Variants in RAD51B observed in about 807,000 individuals in gnomAD.
RAD51B encodes the protein RAD51 paralog B.
Under a neutral mutation model 42.2 loss-of-function variants are expected in RAD51B, and 38 were observed. The ratio of observed to expected loss-of-function variants is 0.90; its 90% CI spans 0.70 to 1.18. The LOEUF is 1.18. Among genes scored for constraint, RAD51B ranks in the 50% most tolerant of loss-of-function variants. The pLI, the probability that RAD51B is intolerant of heterozygous loss-of-function variation, is 0.00. For synonymous variants in RAD51B, 154 were observed against 145.2 expected, an observed-to-expected ratio of 1.06 and a Z score of -0.43; for missense variants, 373 against 400.7, an observed-to-expected ratio of 0.93 and a Z score of 0.59.
At chr14:68,140,114 A>C (rs57556822) in intron 7 of RAD51B, among the ~76,000 whole-genome samples, 2,735 of 152,296 alleles carry the variant, frequency 0.018, 90 homozygotes, top group African/African-American at 0.062. Context: ...GCGATTCCAG[A>C]ATATGACAGA....
intron 7 of RAD51B, among the ~76,000 whole-genome samples, chr14:68,123,222 G>C (rs1451761161): frequency 1.7e-5 from 2 of 119,876 alleles, no homozygotes; most frequent in Non-Finnish European, 3.2e-5. Flanking sequence ...AGACAGAGCT[G>C]TCTCCTCCAG....
intron 8 of RAD51B, among the ~76,000 whole-genome samples, chr14:68,357,327 A>G (rs1316474390): frequency 6.6e-6 from 1 of 152,182 alleles, no homozygotes; most frequent in African/African-American, 2.4e-5. Flanking sequence ...CTCCATTTCT[A>G]ATTCTAATTC....
chr14:68,442,084 A>G (rs2085311231), intron 9 of RAD51B, among the ~76,000 whole-genome samples: 1 of 152,204 alleles, frequency 6.6e-6, no homozygotes, highest in Non-Finnish European at 1.5e-5. Context: ...CTGCATTTCT[A>G]CATTGCTGGG....
intron 7 of RAD51B, among the ~76,000 whole-genome samples, chr14:67,893,034 G>C (rs1400020092): frequency 6.6e-6 from 1 of 152,138 alleles, no homozygotes; most frequent in Non-Finnish European, 1.5e-5. Flanking sequence ...AGTCCTGTGA[G>C]TCCTTCTAGT....
intron 7 of RAD51B, among the ~76,000 whole-genome samples, chr14:67,924,578 C>G (rs948460497): frequency 6.6e-6 from 1 of 152,144 alleles, no homozygotes; most frequent in Non-Finnish European, 1.5e-5. Flanking sequence ...TGGCAGCAGG[C>G]AAAGACTTTG....
chr14:68,307,093 G>A (rs912393315), intron 8 of RAD51B, among the ~76,000 whole-genome samples: 1 of 151,840 alleles, frequency 6.6e-6, no homozygotes, highest in African/African-American at 2.4e-5. Flanking sequence ...CTTTTGTCTT[G>A]GGAGGCGGCT....
At chr14:68,596,389 C>T (rs1235865130), downstream of RAD51B, among the ~76,000 whole-genome samples, 3 of 152,202 alleles carry the variant, frequency 2.0e-5, no homozygotes, top group East Asian at 5.8e-4. Context: ...GGTGATTCAT[C>T]CCTTCTCGTA....
intron 10 of RAD51B, among the ~76,000 whole-genome samples, chr14:68,623,597 A>T (rs1162406901): frequency 6.6e-6 from 1 of 152,204 alleles, no homozygotes; most frequent in Non-Finnish European, 1.5e-5. Flanking sequence ...TCTAACTTGT[A>T]CATAGGTGCC....
At chr14:68,275,997 A>G (rs1012452869) in intron 7 of RAD51B, among the ~76,000 whole-genome samples, 4 of 152,152 alleles carry the variant, frequency 2.6e-5, no homozygotes, top group African/African-American at 9.7e-5. Context: ...GATGCAGGTG[A>G]ACAGGAGAAG....
At chr14:68,381,680 A>AAAAT (rs995079204) in intron 8 of RAD51B, among the ~76,000 whole-genome samples, 8 of 152,172 alleles carry the variant, frequency 5.3e-5, no homozygotes, top group African/African-American at 1.4e-4. Flanking sequence ...ACTCCGTCTC[A>AAAAT]AAATAAATAA....
intron 7 of RAD51B, among the ~76,000 whole-genome samples, chr14:68,274,287 G>A (rs1262664979): frequency 6.6e-6 from 1 of 152,082 alleles, no homozygotes; most frequent in Admixed American, 6.6e-5. Flanking sequence ...GACAATGTAA[G>A]CATTCATGGC....
At chr14:68,076,124 T>A (rs754925113) in intron 7 of RAD51B, among the ~76,000 whole-genome samples, 6 of 152,194 alleles carry the variant, frequency 3.9e-5, no homozygotes, top group Non-Finnish European at 8.8e-5. Flanking sequence ...GGAAAGGAAA[T>A]ACTGAGGAGA....
chr14:68,193,363 T>G (rs951397560), intron 7 of RAD51B, among the ~76,000 whole-genome samples: 2 of 152,178 alleles, frequency 1.3e-5, no homozygotes, highest in South Asian at 2.1e-4. Context: ...CCTTGTATTT[T>G]AATTGATTTT....
chr14:68,363,712 A>AACAC (rs1350750084), intron 8 of RAD51B, among the ~76,000 whole-genome samples: 1 of 152,206 alleles, frequency 6.6e-6, no homozygotes, highest in East Asian at 1.9e-4. Flanking sequence ...GCGATGCTGT[A>AACAC]ACACAGTCTT....
chr14:68,257,166 G>C (rs2080770374), intron 7 of RAD51B, among the ~76,000 whole-genome samples: 1 of 152,208 alleles, frequency 6.6e-6, no homozygotes, highest in Admixed American at 6.5e-5. Flanking sequence ...CATAGATACA[G>C]AAAGTAGAAT....
chr14:68,002,276 T>C (rs2075499180), intron 7 of RAD51B, among the ~76,000 whole-genome samples: 1 of 152,228 alleles, frequency 6.6e-6, no homozygotes, highest in Admixed American at 6.5e-5. Context: ...GATTTGCATT[T>C]CTCCAATGAT....
intron 7 of RAD51B, among the ~76,000 whole-genome samples, chr14:68,123,901 G>A (rs376891719): frequency 2.6e-5 from 4 of 152,182 alleles, no homozygotes; most frequent in East Asian, 3.9e-4. Context: ...GCAACTGCAT[G>A]GAATTTCATT....
intron 7 of RAD51B, among the ~76,000 whole-genome samples, chr14:67,969,204 GACACAGA>G (rs2074847329): frequency 6.6e-6 from 1 of 152,178 alleles, no homozygotes; most frequent in South Asian, 2.1e-4. Flanking sequence ...TTTGGGTGGG[GACACAGA>G]ACCAAACCAT....
intron 8 of RAD51B, among the ~76,000 whole-genome samples, chr14:68,296,162 G>A (rs2081609889): frequency 6.6e-6 from 1 of 152,194 alleles, no homozygotes; most frequent in South Asian, 2.1e-4. Flanking sequence ...ATCATTGGGT[G>A]AATGTTTCTG....
Sources: allele counts gnomAD v4.1 joint callset (sites outside exome capture counted in the v4.1 genomes callset), GRCh38; gene constraint gnomAD v4.1.1; transcripts MANE v1.5; gene names NCBI Gene and HGNC (gene_info 2026-07-23, HGNC 2026-07-21).